The following ADCY1 variants were observed in gnomAD, a reference collection of about 807,000 sequenced individuals.
ADCY1 encodes the protein adenylate cyclase 1.
ADCY1 carries 28 observed loss-of-function variants against 105.4 expected under a neutral mutation model. The observed-to-expected ratio is 0.27, with a 90% CI of 0.20 to 0.36. The LOEUF (loss-of-function observed/expected upper bound fraction) is 0.36, where lower values mean the gene tolerates loss of function less well. Ranked by LOEUF, ADCY1 falls within the 10% of genes least tolerant of loss-of-function variation. The pLI is 1.00. For synonymous variants in ADCY1, 655 were observed against 623.8 expected (o/e 1.05, Z -0.75); for missense variants, 977 against 1,434.2 (o/e 0.68, Z 5.15).
At chr7:45,611,580 G>A (rs929392776) in intron 3 of ADCY1, among the ~76,000 whole-genome samples, 2 of 151,356 alleles carry the variant, frequency 1.3e-5, no homozygotes, top group African/African-American at 4.9e-5. Context: ...TTTTATAGGT[G>A]AGGAAACTAA....
Position 45,713,827 on chromosome 7 carries a change from A to G in ADCY1, c.3192A>G (p.Gln1064=), listed in dbSNP as rs1355339222. The change falls in exon 20 of 20, where the codon CAA becomes CAG. Residue 1064 remains glutamine, a synonymous_variant. Coordinates refer to ENST00000297323, the MANE Select transcript of ADCY1 (RefSeq NM_021116.4). ...LEGRTDGNGS[Q]IRSLGLDRKM... Reference sequence around the variant, plus strand: ...GCAGGACTGATGGAAACGGCTCCCAAATCAGGTCCCTGGGCTTGGATCGGA... The same window carrying G: ...GCAGGACTGATGGAAACGGCTCCCAGATCAGGTCCCTGGGCTTGGATCGGA... 1 of 780,932 alleles carries G rather than the reference A, an allele frequency of 1.3e-6. No individual in the cohort carries two copies. The highest frequency in any genetic ancestry group is 2.4e-6 in the Non-Finnish European group (1 of 418,144). The allele number at this position is 780,932 out of a possible 1,614,324, so 48.4% of individuals were successfully genotyped here.
At chr7:45,645,164 G>A (rs955255896) in intron 4 of ADCY1, among the ~76,000 whole-genome samples, 2 of 152,074 alleles carry the variant, frequency 1.3e-5, no homozygotes, top group Non-Finnish European at 2.9e-5. Context: ...ATGTGCATGT[G>A]GATAGCCTGT....
At chr7:45,651,967 A>G (rs1016405026) in intron 5 of ADCY1, among the ~76,000 whole-genome samples, 2 of 152,170 alleles carry the variant, frequency 1.3e-5, no homozygotes, top group African/African-American at 2.4e-5. Context: ...GAGACTGGGT[A>G]ATTTAAGACG....
intron 14 of ADCY1, among the ~76,000 whole-genome samples, chr7:45,689,499 G>T (rs1756290064): frequency 6.6e-6 from 1 of 152,080 alleles, no homozygotes; most frequent in African/African-American, 2.4e-5. Context: ...GAGCAAGGGG[G>T]TGGGGGGAAG....
At chr7:45,663,244 T>G (rs572675951) in intron 8 of ADCY1, among the ~76,000 whole-genome samples, 1 of 152,338 alleles carries the variant, frequency 6.6e-6, no homozygotes, top group Admixed American at 6.5e-5. Context: ...CCTCAGCGTT[T>G]GATGGAGCCC....
chr7:45,687,891 C>G (rs1055334150), intron 14 of ADCY1, among the ~76,000 whole-genome samples: 6 of 152,188 alleles, frequency 3.9e-5, no homozygotes, highest in African/African-American at 1.4e-4. Flanking sequence ...TAGTCCTACT[C>G]TGCAGTCAGG....
intron 19 of ADCY1, among the ~76,000 whole-genome samples, chr7:45,712,130 TA>T (rs1785270084): frequency 7.2e-6 from 1 of 138,928 alleles, no homozygotes; most frequent in Admixed American, 7.5e-5. Flanking sequence ...TTTTTATATT[TA>T]AAATTTTTAT....
At chr7:45,633,577 G>A (rs906587706) in intron 4 of ADCY1, among the ~76,000 whole-genome samples, 6 of 152,156 alleles carry the variant, frequency 3.9e-5, no homozygotes, top group African/African-American at 1.4e-4. Context: ...GCCAAGGCGG[G>A]CGGATCACGA....
intron 8 of ADCY1, among the ~76,000 whole-genome samples, chr7:45,669,645 G>A (rs1001750771): frequency 4.6e-5 from 7 of 152,054 alleles, no homozygotes; most frequent in African/African-American, 1.7e-4. Context: ...TTTCTTCTCT[G>A]TTTCTGATCC....
At chr7:45,666,294 C>T (rs1322303434) in intron 8 of ADCY1, among the ~76,000 whole-genome samples, 2 of 152,192 alleles carry the variant, frequency 1.3e-5, no homozygotes, top group African/African-American at 4.8e-5. Context: ...ACTCCCCCCA[C>T]ACCACAACAG....
At chr7:45,598,641 C>T (rs78029711) in intron 2 of ADCY1, among the ~76,000 whole-genome samples, 6,230 of 151,954 alleles carry the variant, frequency 0.041, 198 homozygotes, top group African/African-American at 0.088. Context: ...AAAGATGATC[C>T]GCAAAGAAAA....
rs944432367 is a variant in ADCY1 at position 45,647,608 on chromosome 7, G to A, written c.1021-1062G>A. On this transcript the variant is annotated intron_variant, in intron 4 of 19. Coordinates refer to ENST00000297323, the MANE Select transcript of ADCY1 (RefSeq NM_021116.4). The surrounding 1 kb of genome is among the most constrained non-coding windows in gnomAD (Gnocchi z 4.6). ...TCCTTCACGGGCATCTGCAGAGATAGCACAGCACGAAGGCTGGATGCAGAA... is the reference window on the plus strand; with the variant it reads ...TCCTTCACGGGCATCTGCAGAGATAACACAGCACGAAGGCTGGATGCAGAA... Among the ~76,000 whole-genome samples the A allele has an allele frequency of 6.6e-6, 1 of 152,166 alleles. No individual in the cohort carries two copies. Among genetic ancestry groups the A allele is most frequent in the Non-Finnish European group, 1.5e-5 (1 of 68,028 alleles).
chr7:45,658,840 G>C (rs944333643), intron 6 of ADCY1, among the ~76,000 whole-genome samples: 1 of 152,082 alleles, frequency 6.6e-6, no homozygotes, highest in Non-Finnish European at 1.5e-5. Context: ...GGGCCCCTCC[G>C]GGGGGGCAGG....
chr7:45,698,901 G>A (rs1244844863), intron 14 of ADCY1, among the ~76,000 whole-genome samples: 3 of 152,212 alleles, frequency 2.0e-5, no homozygotes, highest in East Asian at 1.9e-4. Flanking sequence ...GTGACCCCTG[G>A]TAGGCTCAGG....
At chr7:45,700,650 TGAA>T (rs779652901) in intron 14 of ADCY1, among the ~76,000 whole-genome samples, 3 of 152,186 alleles carry the variant, frequency 2.0e-5, no homozygotes, top group Non-Finnish European at 4.4e-5. Flanking sequence ...TTCCTGATGT[TGAA>T]GAATGAACTG....
chr7:45,574,355 G>T (rs1792246120), upstream of ADCY1, among the ~76,000 whole-genome samples: 1 of 145,460 alleles, frequency 6.9e-6, no homozygotes, highest in East Asian at 2.1e-4. This position sits in a 1 kb window ranked among gnomAD's most constrained non-coding sequence, Gnocchi z 7.0. Flanking sequence ...CGCAGGCGCG[G>T]CGGGCGGGAG....
intron 1 of ADCY1, among the ~76,000 whole-genome samples, chr7:45,576,369 A>G (rs541609251): frequency 6.6e-6 from 1 of 152,216 alleles, no homozygotes; most frequent in East Asian, 1.9e-4. Context: ...GAGATGCTCA[A>G]CCTGGCACAG....
rs1174763653 is a variant in ADCY1, at chr7:45,667,003, A to G, written c.1605+4789A>G. 2.0e-5 allele frequency among the ~76,000 whole-genome samples: 3 copies of G among 152,058 alleles called. No homozygotes were observed. The East Asian group carries it at 5.8e-4, about 29-fold the overall frequency. ...TGATTTTTTCTTGTAAATTTATTTG[A>G]GTTCTTTGTAGATTCTGGATATTAG... is the stretch of plus-strand genomic sequence containing the variant. On this transcript the variant is annotated intron_variant, in intron 8 of 19. Coordinates refer to ENST00000297323, the MANE Select transcript of ADCY1 (RefSeq NM_021116.4).
At chr7:45,617,889 C>T (rs761717232) in intron 3 of ADCY1, among the ~76,000 whole-genome samples, 4 of 152,118 alleles carry the variant, frequency 2.6e-5, no homozygotes, top group Non-Finnish European at 5.9e-5. Context: ...TTCCAAAATT[C>T]ATGTGTTACT....
Sources: gnomAD v4.1 joint callset for allele counts (sites outside exome capture counted in the v4.1 genomes callset) on GRCh38, gnomAD v4.1.1 for gene constraint, Gnocchi (gnomAD v3.1) non-coding constraint, MANE v1.5 for transcripts, NCBI Gene and HGNC (gene_info 2026-07-23, HGNC 2026-07-21) for gene names.